The following CSMD1 variants were observed in gnomAD, a reference collection of about 807,000 sequenced individuals.
CSMD1 encodes the protein CUB and sushi domain-containing protein 1.
In CSMD1, 213 loss-of-function variants were observed where a neutral mutation model predicts 417.5. That is an observed-to-expected ratio of 0.51 (90% CI 0.46 to 0.57). The LOEUF is 0.57. Ranked by LOEUF, CSMD1 falls within the 20% of genes least tolerant of loss-of-function variation. The probability of loss-of-function intolerance (pLI) is 0.00; values close to 1 mark genes in which losing one functional copy is unlikely to be tolerated. For synonymous variants in CSMD1, 2,862 were observed against 1,736.8 expected (o/e 1.65, Z -16.11); for missense variants, 6,923 against 4,529.7 (o/e 1.53, Z -15.17).
At chr8:4,668,956 G>C (rs571942286) in intron 1 of CSMD1, among the ~76,000 whole-genome samples, 2 of 152,184 alleles carry the variant, frequency 1.3e-5, no homozygotes, top group Admixed American at 6.5e-5. Flanking sequence ...TTCTGAACTA[G>C]TGTTAGCTTT....
chr8:4,147,873 G>C (rs548412696), intron 3 of CSMD1, among the ~76,000 whole-genome samples: 1 of 152,102 alleles, frequency 6.6e-6, no homozygotes, highest in South Asian at 2.1e-4. Context: ...GAGCTTCATG[G>C]AATCAGGGGC....
intron 3 of CSMD1, among the ~76,000 whole-genome samples, chr8:4,100,179 C>T (rs990778444): frequency 6.6e-6 from 1 of 152,098 alleles, no homozygotes; most frequent in Non-Finnish European, 1.5e-5. Context: ...CATATACTAC[C>T]ACTACCTTGG....
intron 2 of CSMD1, among the ~76,000 whole-genome samples, chr8:4,442,277 T>TA (rs768038669): frequency 3.3e-5 from 5 of 152,082 alleles, no homozygotes; most frequent in Non-Finnish European, 7.4e-5. Context: ...TTTATAACAG[T>TA]AAAAAAATTA....
chr8:4,593,474 A>G (rs572770265), intron 2 of CSMD1, among the ~76,000 whole-genome samples: 1 of 152,310 alleles, frequency 6.6e-6, no homozygotes, highest in East Asian at 1.9e-4. Context: ...TGAAAGTGAA[A>G]CATAAAAGAG....
chr8:3,810,463 A>G (rs971516143), intron 5 of CSMD1, among the ~76,000 whole-genome samples: 3 of 152,106 alleles, frequency 2.0e-5, no homozygotes, highest in African/African-American at 7.2e-5. Flanking sequence ...ACCTGGGCAC[A>G]CTGCAGACTC....
chr8:4,088,532 CA>C (rs1419796072), intron 3 of CSMD1, among the ~76,000 whole-genome samples: 1 of 152,152 alleles, frequency 6.6e-6, no homozygotes, highest in Non-Finnish European at 1.5e-5. Context: ...GGTTAGGATG[CA>C]AAACTAAATC....
At chr8:4,773,255 G>A (rs1796684870) in intron 1 of CSMD1, among the ~76,000 whole-genome samples, 1 of 144,700 alleles carries the variant, frequency 6.9e-6, no homozygotes, top group Non-Finnish European at 1.5e-5. Flanking sequence ...TCAGATTTTG[G>A]AATTATAGAT....
chr8:4,978,893 G>C (rs1810716115), intron 1 of CSMD1, among the ~76,000 whole-genome samples: 1 of 152,206 alleles, frequency 6.6e-6, no homozygotes, highest in Admixed American at 6.5e-5. Context: ...AGCTGAGATT[G>C]TGCCACTGCA....
intron 2 of CSMD1, among the ~76,000 whole-genome samples, chr8:4,490,359 A>G (rs1801640155): frequency 6.6e-6 from 1 of 152,144 alleles, no homozygotes; most frequent in Non-Finnish European, 1.5e-5. Context: ...TGTAAGTGCA[A>G]CCATTGCTTA....
Position 3,408,024 on chromosome 8 carries a change from G to A in CSMD1, c.1946C>T (p.Thr649Ile), listed in dbSNP as rs759703743. The A allele has an allele frequency of 1.9e-6, 3 of 1,613,952 alleles. No homozygotes were observed. Among genetic ancestry groups the A allele is most frequent in the Admixed American group, 3.3e-5 (2 of 60,016 alleles). Reference sequence around the variant, plus strand: ...ATTGCCAGAAAAAGTACCCAGGACAGTTATGTCAGAAATGCCATCATCCTT... The same window carrying A: ...ATTGCCAGAAAAAGTACCCAGGACAATTATGTCAGAAATGCCATCATCCTT... Reference protein sequence around the residue: ...AVKDDGISDITVLGTFSGNEV... With the variant: ...AVKDDGISDIIVLGTFSGNEV... The change falls in exon 14 of 70, where the codon ACT becomes ATT. Residue 649 changes from threonine to isoleucine, a missense_variant. Thr to Ile is a moderately conservative substitution (Grantham distance 89). Transcript: ENST00000635120.
At chr8:3,081,921 G>A (rs1013874832) in intron 49 of CSMD1, among the ~76,000 whole-genome samples, 6 of 152,144 alleles carry the variant, frequency 3.9e-5, no homozygotes, top group Admixed American at 2.6e-4. Flanking sequence ...CCGTGGACCT[G>A]AAGCACAAAT....
intron 7 of CSMD1, among the ~76,000 whole-genome samples, chr8:3,660,055 C>A (rs1798331188): frequency 6.6e-6 from 1 of 152,210 alleles, no homozygotes; most frequent in African/African-American, 2.4e-5. Context: ...TGTTCAGCAA[C>A]ACGCTATGAA....
intron 49 of CSMD1, among the ~76,000 whole-genome samples, chr8:3,082,308 A>C (rs1217128581): frequency 1.3e-5 from 2 of 152,218 alleles, no homozygotes; most frequent in African/African-American, 4.8e-5. Flanking sequence ...GAGTCTCGTC[A>C]AGCAAGGACA....
intron 5 of CSMD1, among the ~76,000 whole-genome samples, chr8:3,863,627 C>G (rs1288437652): frequency 6.6e-6 from 1 of 152,106 alleles, no homozygotes; most frequent in Non-Finnish European, 1.5e-5. Flanking sequence ...GTTTTGTTCA[C>G]TTCAGCTACT....
At position 3,367,103 on chromosome 8, in the gene CSMD1, T is replaced by C. The variant is rs777724016; in HGVS notation, c.3044A>G (p.Asn1015Ser). 17 of 1,613,398 alleles carry C rather than the reference T, an allele frequency of 1.1e-5. No homozygotes were observed. Among genetic ancestry groups the C allele is most frequent in the South Asian group, 9.9e-5 (9 of 91,012 alleles). ...TATAAACCGAAGCTGGGCAGTGAAG[T>C]TTCCAAACAGGCCTGCCTTGATCGT... Reference protein sequence around the residue: ...PHTIKAGLFGNFTAQLRFISD... With the variant: ...PHTIKAGLFGSFTAQLRFISD... The change falls in exon 20 of 70, where the codon AAC (asparagine) becomes AGC (serine). Residue 1015 changes from asparagine (N) to serine (S), a missense_variant. Asn to Ser is a conservative substitution (Grantham distance 46, BLOSUM62 1). Coordinates refer to ENST00000635120, the MANE Select transcript of CSMD1 (RefSeq NM_033225.6).
chr8:3,698,246 G>A (rs762420600), intron 7 of CSMD1, among the ~76,000 whole-genome samples: 1 of 152,120 alleles, frequency 6.6e-6, no homozygotes, highest in Admixed American at 6.5e-5. Flanking sequence ...GAAAGTGGAA[G>A]CATAATTTAC....
intron 2 of CSMD1, among the ~76,000 whole-genome samples, chr8:4,435,942 C>A (rs1045451843): frequency 6.6e-6 from 1 of 152,134 alleles, no homozygotes; most frequent in Non-Finnish European, 1.5e-5. Flanking sequence ...CCAAAATCTA[C>A]ATTCTTAGCC....
At chr8:3,013,607 C>T (rs1048725665) in intron 52 of CSMD1, among the ~76,000 whole-genome samples, 5 of 152,020 alleles carry the variant, frequency 3.3e-5, no homozygotes, top group African/African-American at 1.2e-4. Flanking sequence ...AAAAAATTAG[C>T]CAGGTGTGGT....
chr8:3,690,511 C>T (rs140351428), intron 7 of CSMD1, among the ~76,000 whole-genome samples: 159 of 152,310 alleles, frequency 1.0e-3, no homozygotes, highest in East Asian at 9.6e-3. Flanking sequence ...AACTAGGGGA[C>T]GCCTCCCAAA....
Sources: gnomAD v4.1 joint callset for allele counts (sites outside exome capture counted in the v4.1 genomes callset) on GRCh38, gnomAD v4.1.1 for gene constraint, MANE v1.5 for transcripts, NCBI Gene and HGNC (gene_info 2026-07-23, HGNC 2026-07-21) for gene names.